TRIM37: variants seen among roughly 807,000 people sequenced by gnomAD.
TRIM37 encodes the protein tripartite motif containing 37.
Under a neutral mutation model 129.8 loss-of-function variants are expected in TRIM37, and 80 were observed. The observed-to-expected ratio is 0.62, with a 90% confidence interval of 0.51 to 0.74. The LOEUF is 0.74. Among genes scored for constraint, TRIM37 ranks in the 30% least tolerant of loss-of-function variants. The pLI, the probability that TRIM37 is intolerant of heterozygous loss-of-function variation, is 0.00. For synonymous variants in TRIM37, 389 were observed against 387.1 expected, an observed-to-expected ratio of 1.00 and a Z score of -0.06; for missense variants, 1,054 against 1,176.5, an observed-to-expected ratio of 0.90 and a Z score of 1.52.
downstream of TRIM37, chr17:58,980,513 C>A (rs754234636): frequency 6.2e-7 from 1 of 1,614,124 alleles, no homozygotes; most frequent in South Asian, 1.1e-5. The surrounding 1 kb of genome is among the most constrained non-coding windows in gnomAD (Gnocchi z 4.7). Context: ...TCACAGTGCC[C>A]AGTTTTTGCT....
intron 22 of TRIM37, among the ~76,000 whole-genome samples, chr17:59,011,287 A>C (rs2035229564): frequency 6.6e-6 from 1 of 152,228 alleles, no homozygotes. Context: ...ATTTACAAAA[A>C]TCTTTTCTAT....
At chr17:59,011,405 A>ACACC (rs2144890706) in intron 22 of TRIM37, among the ~76,000 whole-genome samples, 1 of 152,270 alleles carries the variant, frequency 6.6e-6, no homozygotes, top group Non-Finnish European at 1.5e-5. Flanking sequence ...CACCACCTAC[A>ACACC]CACCCTCTTC....
intron 19 of TRIM37, among the ~76,000 whole-genome samples, chr17:59,022,095 A>G (rs2036674890): frequency 6.6e-6 from 1 of 152,154 alleles, no homozygotes; most frequent in Non-Finnish European, 1.5e-5. Flanking sequence ...TAGCATAGAA[A>G]AGGACAAAAA....
chr17:59,077,785 G>GAAT (rs2042934711), intron 7 of TRIM37, among the ~76,000 whole-genome samples: 1 of 141,532 alleles, frequency 7.1e-6, no homozygotes, highest in Non-Finnish European at 1.5e-5. Context: ...ACTCCAGCCT[G>GAAT]GGCAACAGAA....
At chr17:59,097,475 T>G (rs2045010564) in intron 2 of TRIM37, among the ~76,000 whole-genome samples, 1 of 152,104 alleles carries the variant, frequency 6.6e-6, no homozygotes, top group Admixed American at 6.5e-5. Context: ...TTCTATAAGC[T>G]TGCAATGAAC....
At chr17:58,979,570 C>T (rs61269102), downstream of TRIM37, among the ~76,000 whole-genome samples, 3,498 of 152,294 alleles carry the variant, frequency 0.023, 127 homozygotes, top group African/African-American at 0.08. Flanking sequence ...TTTCAAATTT[C>T]AATTAAATCA....
Position 59,060,622 on chromosome 17 carries a change from G to A in TRIM37, c.1019+410C>T, listed in dbSNP as rs115330383. Among the ~76,000 whole-genome samples the A allele has an allele frequency of 3.5e-3, 539 of 152,268 alleles. 4 individuals carry two copies. The highest frequency in any genetic ancestry group is 0.012 in the African/African-American group (494 of 41,560). Reference sequence around the variant, plus strand: ...GTGGTTCTCAGGGACTGAGGGAAACGGGGAATGGGAAGTGACTGCTAAGGA... The same window carrying A: ...GTGGTTCTCAGGGACTGAGGGAAACAGGGAATGGGAAGTGACTGCTAAGGA... On this transcript the variant is annotated intron_variant, in intron 12 of 23. Coordinates refer to ENST00000262294, the MANE Select transcript of TRIM37 (RefSeq NM_015294.6).
chr17:59,060,815 G>C (rs1056753979), intron 12 of TRIM37, among the ~76,000 whole-genome samples: 1 of 152,152 alleles, frequency 6.6e-6, no homozygotes, highest in African/African-American at 2.4e-5. Flanking sequence ...TTCTAAGCCA[G>C]ATAGTAAAGA....
At chr17:59,104,142 T>C in intron 2 of TRIM37, 151 bp downstream of exon 2, 1 of 671,978 alleles carries the variant, frequency 1.5e-6, no homozygotes, top group Non-Finnish European at 2.6e-6. Context: ...GGCAGGCAAT[T>C]TGTCATTTAT....
intron 19 of TRIM37, among the ~76,000 whole-genome samples, chr17:59,026,063 C>A (rs2037216360): frequency 6.6e-6 from 1 of 152,120 alleles, no homozygotes; most frequent in African/African-American, 2.4e-5. Flanking sequence ...AACATTAATA[C>A]AGCCAATTTT....
rs551440577 is a variant in TRIM37, at chr17:59,070,837, T to A, written c.795A>T (p.Pro265=). Residue 265 remains proline, a synonymous_variant, in exon 9 of 24, where the codon CCA becomes CCT. Transcript: ENST00000262294. ...CTGTGTCATACCTGGTAAAGTCTGGTGGAACAGGAGTGGTAACAAAAGATG... is the reference window on the plus strand; with the variant it reads ...CTGTGTCATACCTGGTAAAGTCTGGAGGAACAGGAGTGGTAACAAAAGATG... ...PMASFVTTPV[P]PDFTSELVPS... The A allele has an allele frequency of 2.5e-6, 4 of 1,613,972 alleles. No homozygotes were observed. In the African/African-American group the frequency reaches 4.0e-5, roughly 16 times the overall value.
chr17:58,967,824 G>A, the TRIM37 span, among the ~76,000 whole-genome samples: 2 of 142,994 alleles, frequency 1.4e-5, no homozygotes, highest in African/African-American at 2.6e-5. Context: ...TTTTTGAAAC[G>A]GAGTCTCGCT....
intron 5 of TRIM37, among the ~76,000 whole-genome samples, chr17:59,082,270 C>CA (rs1413490232): frequency 2.0e-5 from 3 of 151,916 alleles, no homozygotes; most frequent in African/African-American, 4.8e-5. Context: ...GACTCTGTCT[C>CA]AAAAAAACAA....
In TRIM37 at chr17:59,056,684, C is replaced by T. The variant is rs531996453; in HGVS notation, c.1199+191G>A. On this transcript the variant is annotated intron_variant, in intron 13 of 23. Coordinates refer to ENST00000262294, the MANE Select transcript of TRIM37 (RefSeq NM_015294.6). ...GGCGGAGCTTGTAGTGAGCCGAGAT[C>T]GCGCCAGGGCGACAGAGCGAGACTA... 3.2e-4 allele frequency among the ~76,000 whole-genome samples: 37 copies of T among 115,386 alleles called. No homozygotes were observed. In the South Asian group the frequency reaches 5.5e-3, roughly 17 times the overall value. 75.7% of individuals were successfully genotyped at this position (115,386 alleles called of 152,430 possible). A position where few individuals can be genotyped will look rare whatever the true frequency, so the allele number is the denominator to read the frequency against.
At chr17:59,076,950 G>A (rs575994922) in intron 7 of TRIM37, among the ~76,000 whole-genome samples, 6 of 152,100 alleles carry the variant, frequency 3.9e-5, no homozygotes, top group African/African-American at 9.6e-5. Flanking sequence ...CACCATGCCC[G>A]GTTAATTTTG....
chr17:59,031,763 AT>A (rs1303825693), intron 18 of TRIM37, 132 bp downstream of exon 18: 24 of 918,686 alleles, frequency 2.6e-5, no homozygotes, highest in Non-Finnish European at 3.4e-5. Flanking sequence ...CATAAATGTC[AT>A]TTTTATGGTA....
At chr17:59,075,966 C>G (rs932842063) in intron 7 of TRIM37, among the ~76,000 whole-genome samples, 1 of 152,078 alleles carries the variant, frequency 6.6e-6, no homozygotes, top group Admixed American at 6.6e-5. Context: ...ATCTAAGAAA[C>G]GAAATGTGCA....
intron 19 of TRIM37, among the ~76,000 whole-genome samples, chr17:59,024,564 G>A (rs1007548925): frequency 3.3e-5 from 5 of 152,192 alleles, no homozygotes; most frequent in Non-Finnish European, 5.9e-5. Context: ...GAGAGAGACT[G>A]TTGCCCAGAT....
chr17:59,101,076 GT>G (rs2045423413), intron 2 of TRIM37, among the ~76,000 whole-genome samples: 1 of 150,908 alleles, frequency 6.6e-6, no homozygotes, highest in Non-Finnish European at 1.5e-5. Flanking sequence ...CTTTAAATAT[GT>G]GTAGTTTACT....
Sources: gnomAD v4.1 joint callset for allele counts (sites outside exome capture counted in the v4.1 genomes callset) on GRCh38, gnomAD v4.1.1 for gene constraint, Gnocchi (gnomAD v3.1) non-coding constraint, MANE v1.5 for transcripts, NCBI Gene and HGNC (gene_info 2026-07-23, HGNC 2026-07-21) for gene names.